ATXN10: variants seen among roughly 807,000 people sequenced by gnomAD.
ATXN10 encodes the protein ataxin-10.
A neutral mutation model predicts 52.9 loss-of-function variants in ATXN10; 28 were observed. The observed-to-expected ratio is 0.53, with a 90% CI of 0.39 to 0.73. ATXN10 has a LOEUF of 0.73. ATXN10 is among the 30% of genes least tolerant of loss of function. ATXN10 has a pLI of 0.00. For missense variants in ATXN10, 565 were observed against 577.0 expected (o/e 0.98, Z 0.21); for synonymous variants, 226 against 221.5 (o/e 1.02, Z -0.18).
rs1186474678 is a variant in ATXN10 at position 45,727,311 on chromosome 22, G to A, written c.729-2114G>A. ...CTGAGAAGATACTTGATATAGTTCTGTCTGTCTGTCTATCTATCTATATCT... is the reference window on the plus strand; with the variant it reads ...CTGAGAAGATACTTGATATAGTTCTATCTGTCTGTCTATCTATCTATATCT... On this transcript the variant is annotated intron_variant, in intron 6 of 11. Coordinates refer to ENST00000252934, the MANE Select transcript of ATXN10 (RefSeq NM_013236.4). The surrounding 1 kb of genome is among the most constrained non-coding windows in gnomAD (Gnocchi z 4.6). Among the ~76,000 whole-genome samples, 1 of 145,904 alleles carries A rather than the reference G, an allele frequency of 6.9e-6. No homozygotes were observed. Among genetic ancestry groups the A allele is most frequent in the Non-Finnish European group, 1.5e-5 (1 of 66,846 alleles).
chr22:45,745,332 C>G (rs539343814), intron 9 of ATXN10, among the ~76,000 whole-genome samples: 6 of 152,258 alleles, frequency 3.9e-5, no homozygotes, highest in African/African-American at 1.4e-4. Context: ...GACAGATGAT[C>G]TAGTTTATCT....
chr22:45,740,115 T>A (rs1925452241), intron 8 of ATXN10, among the ~76,000 whole-genome samples: 1 of 152,192 alleles, frequency 6.6e-6, no homozygotes, highest in African/African-American at 2.4e-5. Flanking sequence ...AAATAGAAAC[T>A]CTGAGTTGGG....
At position 45,840,954 on chromosome 22, in the gene ATXN10, G is replaced by C. The variant is rs1354450360; in HGVS notation, c.1238-2037G>C. On this transcript the variant is annotated intron_variant, in intron 10 of 11. Transcript: ENST00000252934. This position sits in a 1 kb window ranked among gnomAD's most constrained non-coding sequence, Gnocchi z 5.8. ...ACTGACTCCTCCTTTTCCTACAAAA[G>C]GTGAGAAAATGAGTTTGTGTATCGA... Among the ~76,000 whole-genome samples the C allele has an allele frequency of 6.6e-6, 1 of 152,142 alleles. No individual in the cohort carries two copies. The highest frequency in any genetic ancestry group is 2.4e-5 in the African/African-American group (1 of 41,408).
chr22:45,754,934 T>C lies in ATXN10; in HGVS notation c.1173+14396T>C, dbSNP rs1926120926. Among the ~76,000 whole-genome samples, 1 of 152,198 alleles carries C rather than the reference T, an allele frequency of 6.6e-6. No individual in the cohort carries two copies. The highest frequency in any genetic ancestry group is 1.5e-5 in the Non-Finnish European group (1 of 68,032). ...AGGGGTGCCAAGAGTATGAGAAGCA[T>C]GAGGTCCATGCCTGTTCCTTCTCTG... On this transcript the variant is annotated intron_variant, in intron 9 of 11. Transcript: ENST00000252934. The surrounding 1 kb of genome is among the most constrained non-coding windows in gnomAD (Gnocchi z 5.4).
chr22:45,806,452 A>T (rs1378424189), intron 9 of ATXN10, among the ~76,000 whole-genome samples: 1 of 152,202 alleles, frequency 6.6e-6, no homozygotes, highest in Non-Finnish European at 1.5e-5. Context: ...CTTTGCAAAT[A>T]TCTTCCAAAT....
intron 1 of ATXN10, among the ~76,000 whole-genome samples, chr22:45,686,516 C>G (rs1276445426): frequency 1.3e-5 from 2 of 151,932 alleles, no homozygotes; most frequent in Non-Finnish European, 2.9e-5. Context: ...CTGAGTTTCC[C>G]AAAGGTTTGA....
Position 45,786,058 on chromosome 22 carries a change from TAAAC to T in ATXN10, c.1174-20897_1174-20894del, listed in dbSNP as rs1349401997. Reference sequence around the variant, plus strand: ...AAATCAGCTAATTTCATTCATTATTTAAACAAAGATTTTATCTGCTAGTTGAATA... The same window carrying T: ...AAATCAGCTAATTTCATTCATTATTTAAAGATTTTATCTGCTAGTTGAATA... On this transcript the variant is annotated intron_variant, in intron 9 of 11. Transcript: ENST00000252934. This position sits in a 1 kb window ranked among gnomAD's most constrained non-coding sequence, Gnocchi z 4.1. Among the ~76,000 whole-genome samples, 1 of 152,348 alleles carries T rather than the reference TAAAC, an allele frequency of 6.6e-6. No individual in the cohort carries two copies. Among genetic ancestry groups the T allele is most frequent in the East Asian group, 1.9e-4 (1 of 5,192 alleles).
chr22:45,671,960 C>G lies in ATXN10; in HGVS notation c.-104C>G, dbSNP rs114149373. 6 of 1,317,916 alleles carry G rather than the reference C, an allele frequency of 4.6e-6. No homozygotes were observed. The African/African-American group carries it at 5.9e-5, about 13-fold the overall frequency. The allele number at this position is 1,317,916 out of a possible 1,614,324, so 81.6% of individuals were successfully genotyped here. A position where few individuals can be genotyped will look rare whatever the true frequency, so the allele number is the denominator to read the frequency against. ...TAGGGCTGTGTAGGGCGAGGCCTCC[C>G]CCTTCCTCCTCGCCATCCTACTCCT... On this transcript the variant is annotated 5_prime_UTR_variant, in exon 1 of 12. Coordinates refer to ENST00000252934, the MANE Select transcript of ATXN10 (RefSeq NM_013236.4).
At chr22:45,785,216 G>A (rs135995) in intron 9 of ATXN10, among the ~76,000 whole-genome samples, 7,032 of 152,206 alleles carry the variant, frequency 0.046, 459 homozygotes, top group African/African-American at 0.15. Flanking sequence ...ACTAAATGGA[G>A]TGGAGTTTTA....
In ATXN10 at chr22:45,733,574, A is replaced by G. The variant is rs1264100190; in HGVS notation, c.894+3984A>G. 6.6e-6 allele frequency among the ~76,000 whole-genome samples: 1 copy of G among 152,118 alleles called. No individual in the cohort carries two copies. Among genetic ancestry groups the G allele is most frequent in the Non-Finnish European group, 1.5e-5 (1 of 68,000 alleles). The stretch of plus-strand genomic sequence containing the variant: ...ACATGGTGAGACCCCCGTCTCTACT[A>G]AAAATACAAAAATTAGCCGGGTGTG... On this transcript the variant is annotated intron_variant, in intron 7 of 11. Coordinates refer to ENST00000252934, the MANE Select transcript of ATXN10 (RefSeq NM_013236.4). The surrounding 1 kb of genome is among the most constrained non-coding windows in gnomAD (Gnocchi z 4.4).
intron 9 of ATXN10, among the ~76,000 whole-genome samples, chr22:45,753,323 T>C (rs1225314978): frequency 6.6e-6 from 1 of 150,400 alleles, no homozygotes; most frequent in Non-Finnish European, 1.5e-5. Context: ...ACAGAGCGAT[T>C]TGCTTTTGTT....
chr22:45,811,920 A>G (rs1928294636), intron 10 of ATXN10: 5 of 389,380 alleles, frequency 1.3e-5, no homozygotes, highest in South Asian at 9.6e-5. Context: ...AGAGCCTCCT[A>G]GACGGCCCAT....
chr22:45,833,070 A>G lies in ATXN10; in HGVS notation c.1238-9921A>G, dbSNP rs1321382172. On this transcript the variant is annotated intron_variant, in intron 10 of 11. Coordinates refer to ENST00000252934, the MANE Select transcript of ATXN10 (RefSeq NM_013236.4). The surrounding 1 kb of genome is among the most constrained non-coding windows in gnomAD (Gnocchi z 4.3). ...TTAGAATTAGAGATCTCCTTGTTGA[A>G]AGAAATCAATCAGACTGCAGGTAAC... Among the ~76,000 whole-genome samples the G allele has an allele frequency of 2.6e-5, 4 of 152,228 alleles. No individual in the cohort carries two copies. Among genetic ancestry groups the G allele is most frequent in the Non-Finnish European group, 5.9e-5 (4 of 68,046 alleles).
intron 9 of ATXN10, among the ~76,000 whole-genome samples, chr22:45,788,310 C>T (rs1927388568): frequency 6.6e-6 from 1 of 152,052 alleles, no homozygotes; most frequent in Admixed American, 6.6e-5. Context: ...AGTCCCGCAT[C>T]CCCAGATCTT....
chr22:45,797,786 C>A (rs947439385), intron 9 of ATXN10, among the ~76,000 whole-genome samples: 1 of 152,080 alleles, frequency 6.6e-6, no homozygotes, highest in Non-Finnish European at 1.5e-5. Context: ...AAAGATTGAT[C>A]AATCTTTCCA....
chr22:45,807,200 T>C (rs1928129543), intron 10 of ATXN10, 178 bp downstream of exon 10: 6 of 702,260 alleles, frequency 8.5e-6, no homozygotes, highest in Non-Finnish European at 1.3e-5. Flanking sequence ...TTCTGTAACC[T>C]TTGTAGTATG....
rs540034244 is a variant in ATXN10, at chr22:45,783,533, C to T, written c.1174-23426C>T. 3.2e-3 allele frequency among the ~76,000 whole-genome samples: 484 copies of T among 152,268 alleles called. 1 individual carries two copies. The highest frequency in any genetic ancestry group is 0.011 in the African/African-American group (470 of 41,540). On this transcript the variant is annotated intron_variant, in intron 9 of 11. Coordinates refer to ENST00000252934, the MANE Select transcript of ATXN10 (RefSeq NM_013236.4). This position sits in a 1 kb window ranked among gnomAD's most constrained non-coding sequence, Gnocchi z 5.0. ...CTGCCCCTGATTGGACCTGCCTGGC[C>T]GGCTCAGGTGTCCTCTTCTGTATTC...
intron 1 of ATXN10, among the ~76,000 whole-genome samples, chr22:45,680,491 A>G (rs1922877671): frequency 6.6e-6 from 1 of 151,648 alleles, no homozygotes; most frequent in African/African-American, 2.4e-5. Context: ...TATATGAGAA[A>G]CTCCTAGGTT....
Position 45,729,520 on chromosome 22 carries a change from T to C in ATXN10, c.824T>C (p.Ile275Thr), listed in dbSNP as rs145859375. ...GTGTTTTTGCGGCATGCTGAGTTGA[T>C]TGCAAGCACCTTTGTGGATCAGTGC... is the stretch of plus-strand genomic sequence containing the variant. ...IPVFLRHAELIASTFVDQCKT... is the reference protein window; with the variant it reads ...IPVFLRHAELTASTFVDQCKT... The change falls in exon 7 of 12, where the codon ATT becomes ACT. Residue 275 changes from isoleucine to threonine, a missense_variant. Transcript: ENST00000252934. 320 of 1,614,034 alleles carry C rather than the reference T, an allele frequency of 2.0e-4. No homozygotes were observed. The highest frequency in any genetic ancestry group is 2.6e-4 in the Non-Finnish European group (309 of 1,180,038).
Sources: allele counts gnomAD v4.1 joint callset (sites outside exome capture counted in the v4.1 genomes callset), GRCh38; gene constraint gnomAD v4.1.1; non-coding constraint Gnocchi (gnomAD v3.1); transcripts MANE v1.5; gene names NCBI Gene and HGNC (gene_info 2026-07-23, HGNC 2026-07-21).